The following IAH1 variants were observed in gnomAD, a reference collection of about 807,000 sequenced individuals.
IAH1 encodes isoamyl acetate-hydrolyzing esterase 1 homolog.
Under a neutral mutation model 26.7 loss-of-function variants are expected in IAH1, and 24 were observed. That is an observed-to-expected ratio of 0.90 (90% CI 0.65 to 1.26). The LOEUF (loss-of-function observed/expected upper bound fraction) is 1.26, where lower values mean the gene tolerates loss of function less well. Among genes scored for constraint, IAH1 ranks in the 50% most tolerant of loss-of-function variants. IAH1 has a pLI of 0.00. For missense variants in IAH1, 300 were observed against 299.9 expected (o/e 1.00, Z 0.00); for synonymous variants, 140 against 118.5 (o/e 1.18, Z -1.18).
downstream of IAH1, chr2:9,489,809 G>A: frequency 8.4e-6 from 1 of 119,460 alleles, no homozygotes; most frequent in South Asian, 2.3e-4. Flanking sequence ...GTTCATTACA[G>A]TGTATAAAAA....
intron 5 of IAH1, chr2:9,486,898 G>C (rs1025236800): frequency 3.3e-5 from 5 of 151,956 alleles, no homozygotes; most frequent in African/African-American, 1.2e-4. Context: ...TGGCTAGTGA[G>C]ATTCTTCCCC....
chr2:9,483,765 T>G (rs1235123598), intron 4 of IAH1, among the ~76,000 whole-genome samples: 2 of 152,180 alleles, frequency 1.3e-5, no homozygotes, highest in East Asian at 3.9e-4. Context: ...CAGCCTGCAC[T>G]TGTGTTAGAT....
chr2:9,490,410 C>A (rs761025971), downstream of IAH1: 9 of 1,614,104 alleles, frequency 5.6e-6, no homozygotes, highest in Non-Finnish European at 7.6e-6. Flanking sequence ...GCTGCTGGCG[C>A]CGAAGGGATC....
the IAH1 span, chr2:9,505,216 G>A: frequency 2.0e-5 from 32 of 1,614,010 alleles, no homozygotes; most frequent in African/African-American, 5.3e-5. Flanking sequence ...AGCAGGTGTC[G>A]TTGTTCAGAT....
intron 6 of IAH1, chr2:9,494,975 T>A: frequency 6.9e-6 from 3 of 436,276 alleles, no homozygotes; most frequent in Non-Finnish European, 8.0e-6. Context: ...CCACAAGGTT[T>A]AAAAAAAAAT....
In IAH1 at chr2:9,478,220, A is replaced by C; in HGVS notation, c.135-2A>C. ...TCATCTTTTTAAAATTTTTCGTTTC[A>C]GAAAATGTGATGTTCTGAATCGTGG... On this transcript the variant is annotated splice_acceptor_variant, in intron 2 of 5. Transcript: ENST00000497473. LOFTEE classifies it high-confidence loss of function. The C allele has an allele frequency of 6.3e-7, 1 of 1,588,596 alleles. No individual in the cohort carries two copies. The highest frequency in any genetic ancestry group is 8.6e-7 in the Non-Finnish European group (1 of 1,167,870).
At chr2:9,503,896 G>C in the IAH1 span, among the ~76,000 whole-genome samples, 6 of 150,570 alleles carry the variant, frequency 4.0e-5, no homozygotes, top group East Asian at 1.2e-3. Flanking sequence ...CTCATACCTA[G>C]AATCTCCACA....
At chr2:9,478,603 T>C (rs1660965797) in intron 3 of IAH1, among the ~76,000 whole-genome samples, 1 of 152,216 alleles carries the variant, frequency 6.6e-6, no homozygotes, top group South Asian at 2.1e-4. Flanking sequence ...AGTTAAATAT[T>C]TTCTAGAGTC....
intron 2 of IAH1, 79 bp downstream of exon 2, chr2:9,476,118 C>G (rs1660773472): frequency 8.3e-7 from 1 of 1,206,246 alleles, no homozygotes; most frequent in Non-Finnish European, 1.2e-6. Flanking sequence ...AAGGATAGTT[C>G]TGAACAGAAC....
chr2:9,496,000 T>C (rs1328444957), intron 6 of IAH1, among the ~76,000 whole-genome samples: 2 of 151,646 alleles, frequency 1.3e-5, no homozygotes, highest in Non-Finnish European at 2.9e-5. Flanking sequence ...GCCCTCAACC[T>C]ATCTTCTTTA....
chr2:9,502,879 CAAAAAAAAAAAAA>C, the IAH1 span, among the ~76,000 whole-genome samples: 6 of 43,594 alleles, frequency 1.4e-4, no homozygotes, highest in East Asian at 3.8e-3. Flanking sequence ...AATTCTGTCT[CAAAAAAAAAAAAA>C]AAAAAAAAAA....
downstream of IAH1, chr2:9,493,909 T>C (rs1162790531): frequency 3.5e-6 from 4 of 1,134,390 alleles, no homozygotes; most frequent in African/African-American, 1.6e-5. Flanking sequence ...ATAACTGACA[T>C]GTAAAGGGCT....
At chr2:9,510,143 T>A in the IAH1 span, 1 of 1,613,942 alleles carries the variant, frequency 6.2e-7, no homozygotes, top group African/African-American at 1.3e-5. Context: ...TTAAGGATCA[T>A]GCAAAGAAAA....
Position 9,475,701 on chromosome 2 carries a change from A to T in IAH1, c.82-286A>T. 5 of 456,568 alleles carry T rather than the reference A, an allele frequency of 1.1e-5. No individual in the cohort carries two copies. In the South Asian group the frequency reaches 1.3e-4, roughly 12 times the overall value. The allele number at this position is 456,568 out of a possible 1,614,324, so 28.3% of individuals were successfully genotyped here. A position where few individuals can be genotyped will look rare whatever the true frequency, so the allele number is the denominator to read the frequency against. On this transcript the variant is annotated intron_variant, in intron 1 of 5. Coordinates refer to ENST00000497473, the MANE Select transcript of IAH1 (RefSeq NM_001039613.3). ...ATTTTAGTAGAGACGGGGTTTCGCC[A>T]TGTTGACCAGGCTGGTCTCGAACTC... is the stretch of plus-strand genomic sequence containing the variant.
the IAH1 span, among the ~76,000 whole-genome samples, chr2:9,502,445 C>A: frequency 6.6e-6 from 1 of 152,214 alleles, no homozygotes; most frequent in Admixed American, 6.5e-5. Flanking sequence ...TACCTGCACA[C>A]ACTTTGTCCC....
At chr2:9,484,060 T>A (rs1192061124) in intron 4 of IAH1, among the ~76,000 whole-genome samples, 1 of 152,192 alleles carries the variant, frequency 6.6e-6, no homozygotes, top group Non-Finnish European at 1.5e-5. Flanking sequence ...CATTTCCTAC[T>A]AGTGCAGCCC....
the IAH1 span, among the ~76,000 whole-genome samples, chr2:9,512,049 G>T: frequency 1.1e-4 from 16 of 151,568 alleles, no homozygotes; most frequent in Admixed American, 5.2e-4. Context: ...TTTCCTAAGG[G>T]GGGGAAATCA....
chr2:9,475,272 A>G, intron 1 of IAH1: 1 of 1,156,270 alleles, frequency 8.6e-7, no homozygotes, highest in Non-Finnish European at 1.2e-6. Context: ...TCCTCTTCTC[A>G]GACAGGACTT....
downstream of IAH1, chr2:9,489,997 C>G (rs1255898184): frequency 1.8e-6 from 1 of 556,858 alleles, no homozygotes; most frequent in East Asian, 2.8e-5. Context: ...TTCACCTTAC[C>G]TTTTCAAAAG....
Sources: gnomAD v4.1 joint callset for allele counts (sites outside exome capture counted in the v4.1 genomes callset) on GRCh38, gnomAD v4.1.1 for gene constraint, MANE v1.5 for transcripts, NCBI Gene and HGNC (gene_info 2026-07-23, HGNC 2026-07-21) for gene names.